Variants in ESRRB observed in about 807,000 individuals in gnomAD.
The protein encoded by ESRRB is steroid hormone receptor ERR2.
A neutral mutation model predicts 46.0 loss-of-function variants in ESRRB; 16 were observed. The ratio of observed to expected loss-of-function variants is 0.35; its 90% CI spans 0.24 to 0.53. The LOEUF (loss-of-function observed/expected upper bound fraction) is 0.53. Among genes scored for constraint, ESRRB ranks in the 20% least tolerant of loss-of-function variants. The probability of loss-of-function intolerance (pLI) is 0.93; values close to 1 mark genes in which losing one functional copy is unlikely to be tolerated. For missense variants in ESRRB, 488 were observed against 607.4 expected, an observed-to-expected ratio of 0.80 and a Z score of 2.07; for synonymous variants, 246 against 259.6, an observed-to-expected ratio of 0.95 and a Z score of 0.50.
intron 1 of ESRRB, among the ~76,000 whole-genome samples, chr14:76,431,388 G>T (rs1887437182): frequency 6.6e-6 from 1 of 152,192 alleles, no homozygotes; most frequent in South Asian, 2.1e-4. Flanking sequence ...AAATAGTTCA[G>T]CAATTTGAGT....
At chr14:76,496,580 G>A (rs1890439144) in intron 6 of ESRRB, among the ~76,000 whole-genome samples, 1 of 152,190 alleles carries the variant, frequency 6.6e-6, no homozygotes, top group African/African-American at 2.4e-5. Context: ...GAAGGGTTGT[G>A]CGGGAGTGAC....
chr14:76,408,691 C>G (rs1886306250), intron 1 of ESRRB, among the ~76,000 whole-genome samples: 2 of 150,042 alleles, frequency 1.3e-5, no homozygotes, highest in Non-Finnish European at 3.0e-5. Context: ...CTCAGTAAAT[C>G]TTGGTTGAAT....
At chr14:76,387,444 C>A (rs1053731429) in intron 1 of ESRRB, among the ~76,000 whole-genome samples, 1 of 152,290 alleles carries the variant, frequency 6.6e-6, no homozygotes, top group South Asian at 2.1e-4. Context: ...AGGGGGTGAG[C>A]CTTCAGAAGC....
intron 1 of ESRRB, among the ~76,000 whole-genome samples, chr14:76,322,050 C>G (rs1883873954): frequency 6.6e-6 from 1 of 152,098 alleles, no homozygotes; most frequent in Non-Finnish European, 1.5e-5. Flanking sequence ...ACGTGAATAC[C>G]CTTTTGTATC....
At chr14:76,352,011 C>CAAAAAAAAAAAAAAAAA (rs1884319857) in intron 1 of ESRRB, among the ~76,000 whole-genome samples, 19 of 109,056 alleles carry the variant, frequency 1.7e-4, no homozygotes, top group East Asian at 1.2e-3. Context: ...AAAAAAAAAG[C>CAAAAAAAAAAAAAAAAA]AAACTCCAAG....
intron 1 of ESRRB, among the ~76,000 whole-genome samples, chr14:76,382,627 A>G (rs1459155664): frequency 6.6e-6 from 1 of 152,222 alleles, no homozygotes; most frequent in African/African-American, 2.4e-5. Flanking sequence ...GGAAAATCAT[A>G]CTGGTTAATC....
At chr14:76,424,019 C>T (rs1325617939) in intron 1 of ESRRB, among the ~76,000 whole-genome samples, 2 of 152,182 alleles carry the variant, frequency 1.3e-5, no homozygotes, top group African/African-American at 2.4e-5. Flanking sequence ...TTGTGACTTA[C>T]ACCCCTTCAT....
chr14:76,342,264 G>T (rs1469888842), intron 1 of ESRRB, among the ~76,000 whole-genome samples: 2 of 152,172 alleles, frequency 1.3e-5, no homozygotes, highest in Non-Finnish European at 2.9e-5. Context: ...TTTCCCAGGG[G>T]TGAGCAGCCT....
rs1194991890 is a variant in ESRRB, at chr14:76,348,926, G to A, written c.2+38010G>A. Among the ~76,000 whole-genome samples, 4 of 152,230 alleles carry A rather than the reference G, an allele frequency of 2.6e-5. 1 individual carries two copies. The highest frequency in any genetic ancestry group is 1.9e-4 in the East Asian group (1 of 5,170). ...AGTAATAAGGCCTGTAGGGCATATA[G>A]CATTTGAATGAGACACACCTACCCT... On this transcript the variant is annotated intron_variant, in intron 1 of 6. Transcript: ENST00000512784.
At chr14:76,335,011 C>G (rs967872323) in intron 1 of ESRRB, among the ~76,000 whole-genome samples, 1 of 152,144 alleles carries the variant, frequency 6.6e-6, no homozygotes, top group Admixed American at 6.5e-5. Flanking sequence ...CTGAACCAGC[C>G]TTCTGGGCCG....
At chr14:76,439,271 T>A in intron 1 of ESRRB, 70 bp from the exon 2 acceptor site, 1 of 1,566,580 alleles carries the variant, frequency 6.4e-7, no homozygotes, top group Non-Finnish European at 8.8e-7. Context: ...CCACCCTACC[T>A]GCGGGGCTGG....
chr14:76,491,103 A>C (rs1397144312), intron 5 of ESRRB, among the ~76,000 whole-genome samples: 1 of 152,218 alleles, frequency 6.6e-6, no homozygotes, highest in Admixed American at 6.5e-5. Flanking sequence ...GTATGTACTC[A>C]GTCACTCCTT....
At position 76,454,535 on chromosome 14, in the gene ESRRB, AG is replaced by A. The variant is rs1162551330; in HGVS notation, c.461-8008del. On this transcript the variant is annotated intron_variant, in intron 2 of 6. Coordinates refer to ENST00000644823, the MANE Select transcript of ESRRB (RefSeq NM_001379180.1). ...GAGAGCTGTGGCTCCAAGGATGTGG[AG>A]GAGCTGGCCAGGAGGACCAAATGAG... Among the ~76,000 whole-genome samples, 3 of 152,244 alleles carry A rather than the reference AG, an allele frequency of 2.0e-5. No homozygotes were observed. The East Asian group carries it at 5.8e-4, about 29-fold the overall frequency.
At chr14:76,456,670 T>C (rs1888628146) in intron 2 of ESRRB, among the ~76,000 whole-genome samples, 4 of 151,970 alleles carry the variant, frequency 2.6e-5, no homozygotes, top group South Asian at 2.1e-4. Flanking sequence ...TGGGTTCAGT[T>C]TGAGAAAGGT....
intron 1 of ESRRB, among the ~76,000 whole-genome samples, chr14:76,407,131 C>T (rs1166364936): frequency 6.6e-6 from 1 of 152,222 alleles, no homozygotes; most frequent in East Asian, 1.9e-4. Flanking sequence ...CCAGGAGTCA[C>T]AGCACATTTT....
chr14:76,338,364 G>A (rs149250678), intron 1 of ESRRB, among the ~76,000 whole-genome samples: 77 of 152,284 alleles, frequency 5.1e-4, no homozygotes, highest in African/African-American at 1.7e-3. Context: ...CAGCCTCTCT[G>A]CCCCAGCTAG....
At chr14:76,445,192 G>A (rs1416788990) in intron 2 of ESRRB, among the ~76,000 whole-genome samples, 7 of 146,484 alleles carry the variant, frequency 4.8e-5, no homozygotes, top group African/African-American at 7.6e-5. Context: ...AAAAGCGGCC[G>A]GGTGCGATGG....
At chr14:76,333,904 G>A (rs1369856384) in intron 1 of ESRRB, among the ~76,000 whole-genome samples, 1 of 147,658 alleles carries the variant, frequency 6.8e-6, no homozygotes, top group Non-Finnish European at 1.5e-5. Flanking sequence ...TAGAGGTTAG[G>A]AGCACAAACT....
chr14:76,393,967 ATTTTTTTTTT>A lies in ESRRB; in HGVS notation c.50+17527_50+17536del, dbSNP rs71122531. ...AGGCATGCACCAACATGCCTGGCTA[ATTTTTTTTTT>A]TTTTTTTTTTGTATTTTTAGTAGAG... is the stretch of plus-strand genomic sequence containing the variant. On this transcript the variant is annotated intron_variant, in intron 1 of 6. Coordinates refer to ENST00000644823, the MANE Select transcript of ESRRB (RefSeq NM_001379180.1). 7.8e-3 allele frequency among the ~76,000 whole-genome samples: 987 copies of A among 126,966 alleles called. 16 individuals carry two copies. The highest frequency in any genetic ancestry group is 0.028 in the African/African-American group (938 of 33,074). 83.3% of individuals were successfully genotyped at this position (126,966 alleles called of 152,430 possible). A position where few individuals can be genotyped will look rare whatever the true frequency, so the allele number is the denominator to read the frequency against.
Sources: allele counts gnomAD v4.1 joint callset (sites outside exome capture counted in the v4.1 genomes callset), GRCh38; gene constraint gnomAD v4.1.1; transcripts MANE v1.5; gene names NCBI Gene and HGNC (gene_info 2026-07-23, HGNC 2026-07-21).